Variants in TEX14 observed in about 807,000 individuals in gnomAD.
TEX14 encodes inactive serine/threonine-protein kinase TEX14.
Under a neutral mutation model 178.6 loss-of-function variants are expected in TEX14, and 168 were observed. The ratio of observed to expected loss-of-function variants is 0.94; its 90% CI spans 0.83 to 1.07. TEX14 has a LOEUF of 1.07. Ranked by LOEUF, TEX14 falls within the 50% of genes least tolerant of loss-of-function variation. The probability of loss-of-function intolerance (pLI) is 0.00; values close to 1 mark genes in which losing one functional copy is unlikely to be tolerated. For missense variants in TEX14, 1,730 were observed against 1,753.6 expected, an observed-to-expected ratio of 0.99 and a Z score of 0.24; for synonymous variants, 626 against 634.1, an observed-to-expected ratio of 0.99 and a Z score of 0.19.
At chr17:58,682,188 A>C (rs1045223402) in intron 1 of TEX14, among the ~76,000 whole-genome samples, 12 of 151,764 alleles carry the variant, frequency 7.9e-5, no homozygotes, top group Non-Finnish European at 1.8e-4. Context: ...GGCTCAAGCA[A>C]TTGACCCGTC....
chr17:58,640,208 G>T (rs2046540793), intron 2 of TEX14, among the ~76,000 whole-genome samples: 1 of 151,948 alleles, frequency 6.6e-6, no homozygotes, highest in African/African-American at 2.4e-5. Context: ...CTACTAGGGA[G>T]GCTGAGGCAC....
At chr17:58,576,501 A>G (rs549839631) in intron 21 of TEX14, among the ~76,000 whole-genome samples, 1 of 152,362 alleles carries the variant, frequency 6.6e-6, no homozygotes, top group South Asian at 2.1e-4. Flanking sequence ...AACAAGAGTG[A>G]AATTCTATCT....
At chr17:58,578,209 G>C (rs911819026) in intron 20 of TEX14, among the ~76,000 whole-genome samples, 2 of 152,148 alleles carry the variant, frequency 1.3e-5, no homozygotes, top group Non-Finnish European at 2.9e-5. Flanking sequence ...CAGCTACCAA[G>C]GAGCTCTGAA....
Position 58,602,487 on chromosome 17 carries a change from A to G in TEX14, c.1440T>C (p.Asp480=). 6.2e-7 allele frequency: 1 copy of G among 1,614,056 alleles called. No homozygotes were observed. The highest frequency in any genetic ancestry group is 8.5e-7 in the Non-Finnish European group (1 of 1,180,012). The change falls in exon 12 of 32, where the codon GAT becomes GAC. Residue 480 remains aspartate, a synonymous_variant. Coordinates refer to ENST00000349033, the MANE Select transcript of TEX14 (RefSeq NM_031272.5). ...ADVRLPKPYY[D]IVKSGIHVKQ... is the part of the protein sequence containing the mutation. ...TGACGTGGATGCCTGACTTAACAAT[A>G]TCATAGTAAGGTTTCGGAAGCCTGA...
Position 58,584,521 on chromosome 17 carries a change from C to T in TEX14, c.3150G>A (p.Val1050=), listed in dbSNP as rs767005461. The change falls in exon 19 of 32, where the codon GTG becomes GTA. Residue 1050 remains valine (V), a synonymous_variant. Coordinates refer to ENST00000349033, the MANE Select transcript of TEX14 (RefSeq NM_031272.5). The part of the protein sequence containing the change: ...EAFQASSDTL[V]AVEKSYSTSS... ...TTACACTGTAAGATTTCTCTACAGC[C>T]ACCAATGTGTCAGAACTTGCTTGGA... The T allele has an allele frequency of 1.2e-6, 2 of 1,614,024 alleles. No individual in the cohort carries two copies. Among genetic ancestry groups the T allele is most frequent in the Non-Finnish European group, 1.7e-6 (2 of 1,179,926 alleles).
chr17:58,645,949 T>G (rs1391176966), intron 2 of TEX14, among the ~76,000 whole-genome samples: 1 of 152,246 alleles, frequency 6.6e-6, no homozygotes, highest in Non-Finnish European at 1.5e-5. Flanking sequence ...AAATCATCTC[T>G]AGATTATTTA....
At chr17:58,605,158 T>C in intron 10 of TEX14, 29 bp from the exon 11 acceptor site, 1 of 1,608,204 alleles carries the variant, frequency 6.2e-7, no homozygotes, top group Non-Finnish European at 8.5e-7. Context: ...AAGTCAGCGC[T>C]CATGCCTTAA....
intron 3 of TEX14, among the ~76,000 whole-genome samples, chr17:58,626,439 G>A (rs535771878): frequency 1.3e-5 from 2 of 152,110 alleles, no homozygotes; most frequent in South Asian, 2.1e-4. Context: ...GCATAGTGGC[G>A]TGTGCCTGTA....
At chr17:58,604,871 T>A in intron 11 of TEX14, 107 bp downstream of exon 11, 1 of 1,322,312 alleles carries the variant, frequency 7.6e-7, no homozygotes, top group South Asian at 1.3e-5. Flanking sequence ...AAGAAGTCTC[T>A]TTTTAATAAG....
chr17:58,638,673 G>A (rs1208340459), intron 2 of TEX14, among the ~76,000 whole-genome samples: 1 of 151,632 alleles, frequency 6.6e-6, no homozygotes, highest in Non-Finnish European at 1.5e-5. Context: ...CGAGTGGCTG[G>A]GATTACAGGC....
At position 58,651,913 on chromosome 17, in the gene TEX14, T is replaced by C. The variant is rs1294396279; in HGVS notation, c.89A>G (p.Tyr30Cys). 4 of 1,613,274 alleles carry C rather than the reference T, an allele frequency of 2.5e-6. No individual in the cohort carries two copies. The Admixed American group carries it at 6.7e-5, about 27-fold the overall frequency. The stretch of plus-strand genomic sequence containing the variant: ...TTTCACATAGTTCCCTTGTTTGACA[T>C]ACTCATGAAGCTGAGCTTCCAGGGA... ...NDSLEAQLHE[Y>C]VKQGNYVKVK... Residue 30 changes from tyrosine to cysteine, a missense_variant, in exon 2 of 32, where the codon TAT becomes TGT. This residue lies in a region of TEX14 where 789 missense variants were observed against 681.2 expected (regional missense o/e 1.16). Coordinates refer to ENST00000349033, the MANE Select transcript of TEX14 (RefSeq NM_031272.5).
At chr17:58,610,142 C>T (rs1449368229) in intron 10 of TEX14, among the ~76,000 whole-genome samples, 1 of 152,214 alleles carries the variant, frequency 6.6e-6, no homozygotes, top group East Asian at 1.9e-4. Flanking sequence ...GGAAACAAAG[C>T]CCACTTACCA....
Position 58,656,767 on chromosome 17 carries a change from A to G in TEX14, c.-1-4765T>C, listed in dbSNP as rs12936422. Among the ~76,000 whole-genome samples, 5 of 141,930 alleles carry G rather than the reference A, an allele frequency of 3.5e-5. No individual in the cohort carries two copies. The East Asian group carries it at 1.0e-3, about 29-fold the overall frequency. 93.1% of individuals were successfully genotyped at this position (141,930 alleles called of 152,430 possible). A position where few individuals can be genotyped will look rare whatever the true frequency, so the allele number is the denominator to read the frequency against. On this transcript the variant is annotated intron_variant, in intron 1 of 31. Coordinates refer to ENST00000349033, the MANE Select transcript of TEX14 (RefSeq NM_031272.5). Reference sequence around the variant, plus strand: ...ACTCTGTCTCAAAAAAAAAAAAAAGAAAAAAATTGGCCAGGCGTGGTGGCA... The same window carrying G: ...ACTCTGTCTCAAAAAAAAAAAAAAGGAAAAAATTGGCCAGGCGTGGTGGCA...
At chr17:58,587,554 T>C (rs765690026) in intron 17 of TEX14, 27 bp downstream of exon 17, 1 of 1,333,386 alleles carries the variant, frequency 7.5e-7, no homozygotes, top group Admixed American at 2.0e-5. Context: ...TCATTTTGTC[T>C]AATAAAACCC....
chr17:58,598,080 G>A (rs939324596), intron 14 of TEX14, among the ~76,000 whole-genome samples: 12 of 152,080 alleles, frequency 7.9e-5, no homozygotes, highest in Non-Finnish European at 1.2e-4. Flanking sequence ...TTGGGAGGCC[G>A]AGGTGGGCAG....
chr17:58,654,304 T>C (rs2046902960), intron 1 of TEX14, among the ~76,000 whole-genome samples: 1 of 152,026 alleles, frequency 6.6e-6, no homozygotes, highest in Non-Finnish European at 1.5e-5. Context: ...CAAATAATAA[T>C]AGCATTTTTA....
At chr17:58,605,268 T>C in intron 10 of TEX14, 139 bp from the exon 11 acceptor site, 9 of 951,444 alleles carry the variant, frequency 9.5e-6, no homozygotes, top group South Asian at 1.8e-5. Flanking sequence ...CTCAGCTCAC[T>C]GCAACCTCTG....
intron 11 of TEX14, among the ~76,000 whole-genome samples, chr17:58,603,931 G>T (rs1334365304): frequency 7.2e-6 from 1 of 138,762 alleles, no homozygotes; most frequent in African/African-American, 2.7e-5. Flanking sequence ...GTGTGTGTGT[G>T]TGTGTGTGTG....
chr17:58,608,169 GCA>G (rs1403253392), intron 10 of TEX14, among the ~76,000 whole-genome samples: 1 of 152,148 alleles, frequency 6.6e-6, no homozygotes, highest in Non-Finnish European at 1.5e-5. Context: ...TGTATTCCCA[GCA>G]CTTTGGGAGG....
Sources: allele counts gnomAD v4.1 joint callset (sites outside exome capture counted in the v4.1 genomes callset), GRCh38; gene constraint gnomAD v4.1.1; regional missense constraint gnomAD v4.1.1; transcripts MANE v1.5; gene names NCBI Gene and HGNC (gene_info 2026-07-23, HGNC 2026-07-21).